Variants in LYSMD3 observed in about 807,000 individuals in gnomAD.
LYSMD3 encodes the protein LysM domain containing 3.
A neutral mutation model predicts 26.1 loss-of-function variants in LYSMD3; 13 were observed. The observed-to-expected ratio is 0.50, with a 90% CI of 0.32 to 0.79. The LOEUF (loss-of-function observed/expected upper bound fraction) is 0.79, where lower values mean the gene tolerates loss of function less well. LYSMD3 is among the 30% of genes least tolerant of loss of function. The pLI is 0.03. For synonymous variants in LYSMD3, 109 were observed against 119.4 expected (o/e 0.91, Z 0.57); for missense variants, 331 against 362.5 (o/e 0.91, Z 0.71).
intron 1 of LYSMD3, among the ~76,000 whole-genome samples, chr5:90,527,918 AG>A (rs1753264287): frequency 2.0e-5 from 3 of 152,252 alleles, no homozygotes; most frequent in African/African-American, 7.2e-5. Flanking sequence ...GTTCCTATTC[AG>A]ATAACACAGA....
Position 90,521,535 on chromosome 5 carries a change from GTAAAGA to G in LYSMD3, c.256-2057_256-2052del, listed in dbSNP as rs562955145. ...TGAACAATAACTAAAAGATGAAACA[GTAAAGA>G]TAAAGTGTGTTTTATCATCTTACTA... On this transcript the variant is annotated intron_variant, in intron 2 of 2. Coordinates refer to ENST00000315948, the MANE Select transcript of LYSMD3 (RefSeq NM_198273.2). Among the ~76,000 whole-genome samples the G allele has an allele frequency of 4.0e-3, 604 of 152,144 alleles. 4 individuals carry two copies. The highest frequency in any genetic ancestry group is 0.014 in the African/African-American group (567 of 41,504).
Position 90,520,151 on chromosome 5 carries a change from A to C in LYSMD3, c.256-667T>G, listed in dbSNP as rs754207990. Among the ~76,000 whole-genome samples, 97 of 152,138 alleles carry C rather than the reference A, an allele frequency of 6.4e-4. 1 individual carries two copies. Among genetic ancestry groups the C allele is most frequent in the Non-Finnish European group, 1.1e-3 (78 of 68,022 alleles). On this transcript the variant is annotated intron_variant, in intron 2 of 2. Coordinates refer to ENST00000315948, the MANE Select transcript of LYSMD3 (RefSeq NM_198273.2). ...TATTCAACTACTTTCAAGATTAATC[A>C]CTTTTATAAGCTTTTTCTCTATATA...
In LYSMD3 at chr5:90,518,488, C is replaced by T. The variant is rs1246147335; in HGVS notation, c.*331G>A. On this transcript the variant is annotated 3_prime_UTR_variant, in exon 3 of 3. Coordinates refer to ENST00000315948, the MANE Select transcript of LYSMD3 (RefSeq NM_198273.2). ...CTATCATTCTGCATCATAAATTTAA[C>T]ATTAATAAACTTTTTAAAAATTACT... is the stretch of plus-strand genomic sequence containing the variant. 4 of 195,056 alleles carry T rather than the reference C, an allele frequency of 2.1e-5. No individual in the cohort carries two copies. The highest frequency in any genetic ancestry group is 9.3e-5 in the African/African-American group (4 of 42,884). 12.1% of individuals were successfully genotyped at this position (195,056 alleles called of 1,614,324 possible). A position where few individuals can be genotyped will look rare whatever the true frequency, so the allele number is the denominator to read the frequency against.
rs1318961304 is a variant in LYSMD3 at position 90,518,612 on chromosome 5, C to T, written c.*207G>A. The T allele has an allele frequency of 4.5e-6, 2 of 447,570 alleles. No homozygotes were observed. The highest frequency in any genetic ancestry group is 7.8e-6 in the Non-Finnish European group (2 of 254,788). 27.7% of individuals were successfully genotyped at this position (447,570 alleles called of 1,614,324 possible). On this transcript the variant is annotated 3_prime_UTR_variant, in exon 3 of 3. Transcript: ENST00000315948. ...CATTTAAATTAATTTCTGCTTGAAACATTCACACACCAGATTTATGGATCA... is the reference window on the plus strand; with the variant it reads ...CATTTAAATTAATTTCTGCTTGAAATATTCACACACCAGATTTATGGATCA...
chr5:90,527,299 A>G (rs1753246423), intron 1 of LYSMD3, among the ~76,000 whole-genome samples: 1 of 152,200 alleles, frequency 6.6e-6, no homozygotes, highest in African/African-American at 2.4e-5. Flanking sequence ...ACAAATGGAA[A>G]ATTCCACAAC....
In LYSMD3 at chr5:90,525,024, T is replaced by C; in HGVS notation, c.255+11A>G. 6.4e-7 allele frequency: 1 copy of C among 1,557,624 alleles called. No homozygotes were observed. Among genetic ancestry groups the C allele is most frequent in the Non-Finnish European group, 8.7e-7 (1 of 1,150,122 alleles). On this transcript the variant is annotated intron_variant, in intron 2 of 2. Transcript: ENST00000315948. ...TTCTTCTGAATTGCATTATGTAATA[T>C]TAAAACTTACCGTACAACAGTACTG...
Position 90,529,572 on chromosome 5 carries a change from C to G in LYSMD3, c.-136G>C. The G allele has an allele frequency of 2.2e-6, 1 of 456,254 alleles. No homozygotes were observed. The allele number at this position is 456,254 out of a possible 1,614,324, so 28.3% of individuals were successfully genotyped here. On this transcript the variant is annotated 5_prime_UTR_variant, in exon 1 of 3. Transcript: ENST00000315948. Reference sequence around the variant, plus strand: ...TGACCCCGTCCGCCTCCGCCTCTGCCGCCAACGTCTCCGCCTTCCGGGCCG... The same window carrying G: ...TGACCCCGTCCGCCTCCGCCTCTGCGGCCAACGTCTCCGCCTTCCGGGCCG...
rs1753185371 is a variant in LYSMD3, at chr5:90,525,047, C to A, written c.243G>T (p.Gln81His). Residue 81 changes from glutamine to histidine, a missense_variant, in exon 2 of 3, where the codon CAG (glutamine) becomes CAT (histidine). Around this residue, in one of 3 missense-constraint regions of LYSMD3, gnomAD observed 262 missense variants for 267.3 expected, o/e 0.98. Transcript: ENST00000315948. Reference sequence around the variant, plus strand: ...TATTAAAACTTACCGTACAACAGTACTGAAGGGCTATTGCATTTAATGTAT... The same window carrying A: ...TATTAAAACTTACCGTACAACAGTAATGAAGGGCTATTGCATTTAATGTAT... ...EGDTLNAIAL[Q>H]YCCTVADIKR... 1.2e-6 allele frequency: 2 copies of A among 1,604,840 alleles called. No individual in the cohort carries two copies. The highest frequency in any genetic ancestry group is 1.3e-5 in the African/African-American group (1 of 74,820).
At chr5:90,524,841 C>G (rs1307591528) in intron 2 of LYSMD3, among the ~76,000 whole-genome samples, 194 bp downstream of exon 2, 2 of 152,206 alleles carry the variant, frequency 1.3e-5, no homozygotes, top group African/African-American at 4.8e-5. Context: ...ATCCACCCGC[C>G]TCGGCCTCCC....
chr5:90,522,623 C>T (rs942715432), intron 2 of LYSMD3, among the ~76,000 whole-genome samples: 5 of 152,186 alleles, frequency 3.3e-5, no homozygotes, highest in African/African-American at 7.2e-5. Context: ...TTCTGTATCA[C>T]TCCTGTTAAA....
At position 90,525,128 on chromosome 5, in the gene LYSMD3, T is replaced by C. The variant is rs1429969166; in HGVS notation, c.162A>G (p.Thr54=). The C allele has an allele frequency of 6.2e-7, 1 of 1,614,096 alleles. No homozygotes were observed. The highest frequency in any genetic ancestry group is 2.2e-5 in the East Asian group (1 of 44,866). ...TAATGTCGTCAAGTCTATCTCTTGATGTACTTCTTCGGACTTTCTCTTTTC... is the reference window on the plus strand; with the variant it reads ...TAATGTCGTCAAGTCTATCTCTTGACGTACTTCTTCGGACTTTCTCTTTTC... The part of the protein sequence containing the change: ...SRGKEKVRRS[T]SRDRLDDIIV... The change falls in exon 2 of 3, where the codon ACA becomes ACG. Residue 54 remains threonine, a synonymous_variant. Transcript: ENST00000315948.
At chr5:90,524,624 G>A (rs1196445631) in intron 2 of LYSMD3, among the ~76,000 whole-genome samples, 1 of 152,124 alleles carries the variant, frequency 6.6e-6, no homozygotes, top group Non-Finnish European at 1.5e-5. Flanking sequence ...ACGGAGTCTC[G>A]CTCGGTCGCC....
chr5:90,522,278 C>G (rs1753112365), intron 2 of LYSMD3, among the ~76,000 whole-genome samples: 1 of 152,200 alleles, frequency 6.6e-6, no homozygotes, highest in Non-Finnish European at 1.5e-5. Flanking sequence ...TCTGAGGCCT[C>G]CCCAGAAGTA....
chr5:90,523,455 A>G (rs1271546612), intron 2 of LYSMD3, among the ~76,000 whole-genome samples: 1 of 151,934 alleles, frequency 6.6e-6, no homozygotes, highest in Non-Finnish European at 1.5e-5. Flanking sequence ...GTGTGTTCCT[A>G]TTGCAGAGAA....
At chr5:90,528,225 A>C (rs1244926802) in intron 1 of LYSMD3, among the ~76,000 whole-genome samples, 1 of 152,050 alleles carries the variant, frequency 6.6e-6, no homozygotes, top group Non-Finnish European at 1.5e-5. Context: ...TCTGGGGAGA[A>C]TTTTCATTGC....
At position 90,517,390 on chromosome 5, in the gene LYSMD3, T is replaced by C. The variant is rs1752975961; in HGVS notation, c.*1429A>G. ...ATGCCCAGAAAATGAGGTGGTATTA[T>C]ATATCTTAAGTATATATTATATACA... On this transcript the variant is annotated 3_prime_UTR_variant, in exon 3 of 3. Transcript: ENST00000315948. The C allele has an allele frequency of 6.6e-6, 1 of 152,080 alleles. No individual in the cohort carries two copies. The highest frequency in any genetic ancestry group is 2.4e-5 in the African/African-American group (1 of 41,442). The allele number at this position is 152,080 out of a possible 1,614,324, so 9.4% of individuals were successfully genotyped here.
rs1467008342 is a variant in LYSMD3, at chr5:90,517,091, T to C, written c.*1728A>G. 1 of 152,506 alleles carries C rather than the reference T, an allele frequency of 6.6e-6. No individual in the cohort carries two copies. Among genetic ancestry groups the C allele is most frequent in the Admixed American group, 6.5e-5 (1 of 15,274 alleles). The allele number at this position is 152,506 out of a possible 1,614,324, so 9.4% of individuals were successfully genotyped here. ...TTATATCACACTCTTCTTTTCAAGA[T>C]GCCCAAGGCACATTAAAACTACTTT... On this transcript the variant is annotated 3_prime_UTR_variant, in exon 3 of 3. Coordinates refer to ENST00000315948, the MANE Select transcript of LYSMD3 (RefSeq NM_198273.2).
In LYSMD3 at chr5:90,518,633, G is replaced by C. The variant is rs1753006709; in HGVS notation, c.*186C>G. The C allele has an allele frequency of 2.0e-6, 1 of 503,250 alleles. No homozygotes were observed. Among genetic ancestry groups the C allele is most frequent in the Non-Finnish European group, 3.5e-6 (1 of 288,970 alleles). The allele number at this position is 503,250 out of a possible 1,614,324, so 31.2% of individuals were successfully genotyped here. A position where few individuals can be genotyped will look rare whatever the true frequency, so the allele number is the denominator to read the frequency against. On this transcript the variant is annotated 3_prime_UTR_variant, in exon 3 of 3. Transcript: ENST00000315948. ...GAAACATTCACACACCAGATTTATG[G>C]ATCAACTGCTCTCAACATCAACAAC... is the stretch of plus-strand genomic sequence containing the variant.
At position 90,525,180 on chromosome 5, in the gene LYSMD3, G is replaced by C; in HGVS notation, c.110C>G (p.Ala37Gly). 6.2e-7 allele frequency: 1 copy of C among 1,614,024 alleles called. No individual in the cohort carries two copies. The highest frequency in any genetic ancestry group is 8.5e-7 in the Non-Finnish European group (1 of 1,180,006). ...CSDSDILEED[A>G]EVYELRSRGK... ...TCTGGATCGAAGTTCATACACTTCA[G>C]CATCCTCCTCCAAAATATCACTGTC... is the stretch of plus-strand genomic sequence containing the variant. Residue 37 changes from alanine (A) to glycine (G), a missense_variant, in exon 2 of 3, where the codon GCT becomes GGT. By Grantham distance (60) the Ala-to-Gly change is moderately conservative. Around this residue, in one of 3 missense-constraint regions of LYSMD3, gnomAD observed 262 missense variants for 267.3 expected, o/e 0.98. Coordinates refer to ENST00000315948, the MANE Select transcript of LYSMD3 (RefSeq NM_198273.2).
Sources: gnomAD v4.1 joint callset for allele counts (sites outside exome capture counted in the v4.1 genomes callset) on GRCh38, gnomAD v4.1.1 for gene constraint, gnomAD v4.1.1 regional missense constraint, MANE v1.5 for transcripts, NCBI Gene and HGNC (gene_info 2026-07-23, HGNC 2026-07-21) for gene names.